The following LRRTM4 variants were observed in gnomAD, a reference collection of about 807,000 sequenced individuals.
LRRTM4 encodes the protein leucine rich repeat transmembrane neuronal 4.
A neutral mutation model predicts 47.6 loss-of-function variants in LRRTM4; 25 were observed. The ratio of observed to expected loss-of-function variants is 0.53; its 90% confidence interval spans 0.38 to 0.73. LRRTM4 has a LOEUF of 0.73. LRRTM4 is among the 30% of genes least tolerant of loss of function. The probability of loss-of-function intolerance (pLI) is 0.00; values close to 1 mark genes in which losing one functional copy is unlikely to be tolerated. For synonymous variants in LRRTM4, 311 were observed against 269.5 expected (o/e 1.15, Z -1.51); for missense variants, 638 against 713.4 (o/e 0.89, Z 1.20).
chr2:77,436,010 G>T (rs983383400), intron 3 of LRRTM4, among the ~76,000 whole-genome samples: 1 of 152,064 alleles, frequency 6.6e-6, no homozygotes, highest in African/African-American at 2.4e-5. Flanking sequence ...TCATTCACAT[G>T]AGCATCCATT....
chr2:77,226,413 A>C (rs1451842502), intron 3 of LRRTM4, among the ~76,000 whole-genome samples: 1 of 151,662 alleles, frequency 6.6e-6, no homozygotes, highest in East Asian at 1.9e-4. Flanking sequence ...GAAATATATA[A>C]AGGTCCTTTT....
At chr2:76,835,217 T>G (rs1399094837) in intron 3 of LRRTM4, among the ~76,000 whole-genome samples, 1 of 152,102 alleles carries the variant, frequency 6.6e-6, no homozygotes, top group Non-Finnish European at 1.5e-5. Flanking sequence ...TTGTACAGGT[T>G]AAGTATGTAT....
intron 3 of LRRTM4, among the ~76,000 whole-genome samples, chr2:77,329,093 A>G (rs1670881179): frequency 1.3e-5 from 2 of 152,204 alleles, no homozygotes; most frequent in Admixed American, 6.5e-5. Flanking sequence ...TACTTAAGAT[A>G]GTTTGTCCCA....
chr2:77,261,649 G>C (rs1292191064), intron 3 of LRRTM4, among the ~76,000 whole-genome samples: 6 of 151,952 alleles, frequency 3.9e-5, no homozygotes, highest in Non-Finnish European at 8.8e-5. Flanking sequence ...GATCTAACAG[G>C]ATGCCTAACA....
chr2:77,204,951 A>G (rs1305188873), intron 3 of LRRTM4, among the ~76,000 whole-genome samples: 1 of 152,222 alleles, frequency 6.6e-6, no homozygotes, highest in Non-Finnish European at 1.5e-5. Context: ...TTCAACTATG[A>G]TCTAATGTGG....
chr2:77,216,464 A>G (rs1211210625), intron 3 of LRRTM4, among the ~76,000 whole-genome samples: 3 of 151,952 alleles, frequency 2.0e-5, no homozygotes, highest in African/African-American at 7.3e-5. Flanking sequence ...CAAGAGATCA[A>G]GACCATCCTG....
At chr2:76,807,396 ATATGTATATACG>A (rs1160092422) in intron 3 of LRRTM4, among the ~76,000 whole-genome samples, 1 of 121,620 alleles carries the variant, frequency 8.2e-6, no homozygotes, top group Admixed American at 8.9e-5. Flanking sequence ...ATATATATAT[ATATGTATATACG>A]TATATATATA....
At chr2:76,837,342 A>T in intron 3 of LRRTM4, among the ~76,000 whole-genome samples, 1 of 152,036 alleles carries the variant, frequency 6.6e-6, no homozygotes, top group Non-Finnish European at 1.5e-5. Flanking sequence ...TCCTGGATTC[A>T]TTAATTTTTT....
intron 3 of LRRTM4, among the ~76,000 whole-genome samples, chr2:77,209,631 C>T (rs1215276029): frequency 6.6e-6 from 1 of 152,062 alleles, no homozygotes; most frequent in Non-Finnish European, 1.5e-5. Context: ...TGCCCATATA[C>T]CTGCATATGA....
intron 3 of LRRTM4, among the ~76,000 whole-genome samples, chr2:77,015,463 GTACCTGGGAT>G (rs1015435098): frequency 1.8e-4 from 27 of 152,140 alleles, no homozygotes; most frequent in African/African-American, 6.5e-4. Flanking sequence ...AGCCTTCTGA[GTACCTGGGAT>G]TACAGGCATG....
chr2:77,426,147 C>T (rs1411240280), intron 3 of LRRTM4, among the ~76,000 whole-genome samples: 3 of 151,578 alleles, frequency 2.0e-5, no homozygotes, highest in African/African-American at 7.3e-5. Context: ...CCCTGATATC[C>T]ATCTCCCTAT....
chr2:77,209,320 T>G (rs1674227537), intron 3 of LRRTM4, among the ~76,000 whole-genome samples: 1 of 151,946 alleles, frequency 6.6e-6, no homozygotes, highest in Non-Finnish European at 1.5e-5. Context: ...GCATCAGAAT[T>G]TGGGGAAAGT....
chr2:76,774,640 G>C (rs1673880763), intron 3 of LRRTM4, among the ~76,000 whole-genome samples: 2 of 152,174 alleles, frequency 1.3e-5, no homozygotes, highest in South Asian at 4.1e-4. Context: ...GGTTGGTCTT[G>C]CTGTCTCAGG....
chr2:76,822,199 T>C (rs1272942295), intron 3 of LRRTM4, among the ~76,000 whole-genome samples: 2 of 151,546 alleles, frequency 1.3e-5, no homozygotes, highest in Non-Finnish European at 3.0e-5. Flanking sequence ...ATCAGTCATA[T>C]AAATTATGAA....
At chr2:77,053,892 G>C (rs73940260) in intron 3 of LRRTM4, among the ~76,000 whole-genome samples, 2,635 of 152,196 alleles carry the variant, frequency 0.017, 60 homozygotes, top group African/African-American at 0.051. Context: ...ACTGACTAGA[G>C]AATCTTCAAA....
At chr2:76,806,637 C>A (rs79936217) in intron 3 of LRRTM4, among the ~76,000 whole-genome samples, 2,127 of 151,636 alleles carry the variant, frequency 0.014, 28 homozygotes, top group Non-Finnish European at 0.023. Context: ...AACAGTTGAA[C>A]ATTTTTATAA....
chr2:77,518,179 G>T, intron 3 of LRRTM4, 139 bp downstream of exon 3: 1 of 1,259,992 alleles, frequency 7.9e-7, no homozygotes, highest in South Asian at 3.4e-5. Context: ...ATTTAATTAA[G>T]TAACCTTTCA....
chr2:76,990,840 A>G (rs1461948269), intron 3 of LRRTM4, among the ~76,000 whole-genome samples: 2 of 151,682 alleles, frequency 1.3e-5, no homozygotes, highest in Non-Finnish European at 3.0e-5. Context: ...CAATCACAAA[A>G]TATACATTAG....
chr2:77,457,046 A>ATG (rs1332504473), intron 3 of LRRTM4, among the ~76,000 whole-genome samples: 17 of 15,768 alleles, frequency 1.1e-3, no homozygotes, highest in East Asian at 2.5e-3. Flanking sequence ...ATATATATAT[A>ATG]TATATGTATA....
Sources: allele counts gnomAD v4.1 joint callset (sites outside exome capture counted in the v4.1 genomes callset), GRCh38; gene constraint gnomAD v4.1.1; transcripts MANE v1.5; gene names NCBI Gene and HGNC (gene_info 2026-07-23, HGNC 2026-07-21).